ABLIM1: variants seen among roughly 807,000 people sequenced by gnomAD.
ABLIM1 encodes the protein actin binding LIM protein 1.
In ABLIM1, 40 loss-of-function variants were observed where a neutral mutation model predicts 107.0. The observed-to-expected ratio is 0.37, with a 90% CI of 0.29 to 0.49. The LOEUF (loss-of-function observed/expected upper bound fraction) is 0.49. Ranked by LOEUF, ABLIM1 falls within the 20% of genes least tolerant of loss-of-function variation. The pLI, the probability that ABLIM1 is intolerant of heterozygous loss-of-function variation, is 0.97. For synonymous variants in ABLIM1, 357 were observed against 357.3 expected (o/e 1.00, Z 0.01); for missense variants, 857 against 1,008.5 (o/e 0.85, Z 2.04).
At chr10:114,696,913 T>C (rs1405399195) in intron 1 of ABLIM1, among the ~76,000 whole-genome samples, 1 of 152,190 alleles carries the variant, frequency 6.6e-6, no homozygotes, top group South Asian at 2.1e-4. Flanking sequence ...TACTGGGAGT[T>C]AGGGCTGCAA....
At chr10:114,548,398 C>T (rs894861863) in intron 4 of ABLIM1, among the ~76,000 whole-genome samples, 1 of 152,122 alleles carries the variant, frequency 6.6e-6, no homozygotes, top group Middle Eastern at 3.4e-3. Flanking sequence ...AGAGTGTGGG[C>T]CTGGAATAAG....
chr10:114,593,498 T>C (rs910829218), intron 2 of ABLIM1, among the ~76,000 whole-genome samples: 1 of 152,144 alleles, frequency 6.6e-6, no homozygotes, highest in African/African-American at 2.4e-5. Context: ...GATGCTGCAG[T>C]CTCAGTGGGT....
rs2475234 is a variant in ABLIM1 at position 114,514,311 on chromosome 10, A to T, written c.895-22433T>A. On this transcript the variant is annotated intron_variant, in intron 6 of 22. Coordinates refer to ENST00000533213, the MANE Select transcript of ABLIM1 (RefSeq NM_002313.7). Reference sequence around the variant, plus strand: ...GAGACTCTGTCTCAAAAAAAAAAAAAAAATAAAGTGAAATGAGCATTCTGA... The same window carrying T: ...GAGACTCTGTCTCAAAAAAAAAAAATAAATAAAGTGAAATGAGCATTCTGA... Among the ~76,000 whole-genome samples the T allele has an allele frequency of 7.6e-3, 1,153 of 152,224 alleles. 13 individuals are homozygous for T. The highest frequency in any genetic ancestry group is 0.024 in the African/African-American group (989 of 41,526).
At chr10:114,678,532 T>C (rs904576171) in intron 1 of ABLIM1, among the ~76,000 whole-genome samples, 1 of 152,242 alleles carries the variant, frequency 6.6e-6, no homozygotes. Context: ...GAAGTTCTGT[T>C]GAAAGCAGCC....
intron 6 of ABLIM1, among the ~76,000 whole-genome samples, chr10:114,515,269 C>T (rs1299332641): frequency 6.6e-6 from 1 of 151,912 alleles, no homozygotes; most frequent in Non-Finnish European, 1.5e-5. Flanking sequence ...GGGATCTTTC[C>T]CCAAATCCAG....
At chr10:114,790,709 C>A in the ABLIM1 span, among the ~76,000 whole-genome samples, 7 of 152,140 alleles carry the variant, frequency 4.6e-5, no homozygotes, top group Non-Finnish European at 1.0e-4. Flanking sequence ...AAGGGAAATT[C>A]CTTTTTGTTT....
chr10:114,584,762 T>C (rs946209258), intron 2 of ABLIM1, among the ~76,000 whole-genome samples: 9 of 152,194 alleles, frequency 5.9e-5, no homozygotes, highest in East Asian at 3.8e-4. Context: ...AACCAGATGA[T>C]AAAACGGGCC....
intron 6 of ABLIM1, among the ~76,000 whole-genome samples, chr10:114,504,558 CA>C (rs1209876123): frequency 2.6e-5 from 4 of 152,094 alleles, no homozygotes; most frequent in East Asian, 1.9e-4. Context: ...TGAAAAATAG[CA>C]AGTCACTTTA....
At chr10:114,642,188 C>A (rs1382367827) in intron 1 of ABLIM1, among the ~76,000 whole-genome samples, 1 of 152,088 alleles carries the variant, frequency 6.6e-6, no homozygotes, top group Non-Finnish European at 1.5e-5. Flanking sequence ...CCCACTGCAC[C>A]CAGTGCCACT....
At chr10:114,705,984 G>A (rs939569302) in intron 1 of ABLIM1, among the ~76,000 whole-genome samples, 1 of 152,160 alleles carries the variant, frequency 6.6e-6, no homozygotes, top group Non-Finnish European at 1.5e-5. Context: ...ATACAAGGCA[G>A]TCATCATTCT....
At chr10:114,732,361 A>G (rs1164757092) in intron 1 of ABLIM1, among the ~76,000 whole-genome samples, 2 of 151,678 alleles carry the variant, frequency 1.3e-5, no homozygotes, top group East Asian at 3.9e-4. Flanking sequence ...GGTCATTTCT[A>G]TGTCTCTTTG....
intron 1 of ABLIM1, among the ~76,000 whole-genome samples, chr10:114,706,994 A>G (rs57025690): frequency 0.047 from 7,130 of 152,318 alleles, 550 homozygotes; most frequent in African/African-American, 0.16. Flanking sequence ...AGCACTGTCA[A>G]TGGAAATAGA....
chr10:114,620,779 T>A (rs1392339461), intron 1 of ABLIM1, among the ~76,000 whole-genome samples: 2 of 152,152 alleles, frequency 1.3e-5, no homozygotes, highest in Non-Finnish European at 2.9e-5. Flanking sequence ...AGATTTTACA[T>A]AAAAATCCCT....
intron 10 of ABLIM1, among the ~76,000 whole-genome samples, chr10:114,470,491 G>A (rs1291999259): frequency 6.6e-6 from 1 of 151,040 alleles, no homozygotes; most frequent in Admixed American, 6.6e-5. Context: ...AAACTTTAAT[G>A]GAATAAATAA....
intron 8 of ABLIM1, among the ~76,000 whole-genome samples, chr10:114,474,930 C>T (rs2056063120): frequency 6.6e-6 from 1 of 152,148 alleles, no homozygotes; most frequent in Non-Finnish European, 1.5e-5. Flanking sequence ...GCTCTCTTGC[C>T]TGCCACCACG....
At chr10:114,438,855 C>A (rs931643430) in intron 21 of ABLIM1, among the ~76,000 whole-genome samples, 1 of 152,228 alleles carries the variant, frequency 6.6e-6, no homozygotes, top group African/African-American at 2.4e-5. Flanking sequence ...GGTTGCCTCA[C>A]CTACATGGTG....
At chr10:114,686,851 T>C (rs901838035), upstream of ABLIM1, among the ~76,000 whole-genome samples, 5 of 151,906 alleles carry the variant, frequency 3.3e-5, no homozygotes, top group East Asian at 9.7e-4. Context: ...GGTCTCAAAC[T>C]CCCAGACTCA....
rs140955300 is a variant in ABLIM1, at chr10:114,707,922, C to G, written c.-213+60139G>C. 0.01 allele frequency among the ~76,000 whole-genome samples: 1,519 copies of G among 149,164 alleles called. 25 individuals carry two copies. The highest frequency in any genetic ancestry group is 0.035 in the African/African-American group (1,374 of 39,160). ...GTCTCAAAACAAACAAACAAACAAA[C>G]AACAACAACAACAAAAAACCTAATT... is the stretch of plus-strand genomic sequence containing the variant. On this transcript the variant is annotated intron_variant, in intron 1 of 15. Transcript: ENST00000651092. The surrounding 1 kb of genome is among the most constrained non-coding windows in gnomAD (Gnocchi z 4.1).
At chr10:114,652,216 G>A (rs1253018244) in intron 1 of ABLIM1, among the ~76,000 whole-genome samples, 1 of 152,174 alleles carries the variant, frequency 6.6e-6, no homozygotes, top group Admixed American at 6.5e-5. Context: ...TGAAGAATAT[G>A]CTGTCTTTTT....
Sources: allele counts gnomAD v4.1 joint callset (sites outside exome capture counted in the v4.1 genomes callset), GRCh38; gene constraint gnomAD v4.1.1; non-coding constraint Gnocchi (gnomAD v3.1); transcripts MANE v1.5; gene names NCBI Gene and HGNC (gene_info 2026-07-23, HGNC 2026-07-21).